The following CHD1 variants were observed in gnomAD, a reference collection of about 807,000 sequenced individuals.
CHD1 encodes ATP-dependent chromatin remodeler CHD1.
CHD1 carries 36 observed loss-of-function variants against 224.2 expected under a neutral mutation model. The ratio of observed to expected loss-of-function variants is 0.16; its 90% CI spans 0.12 to 0.21. The LOEUF is 0.21. Ranked by LOEUF, CHD1 falls within the 10% of genes least tolerant of loss-of-function variation. CHD1 has a pLI of 1.00. For synonymous variants in CHD1, 668 were observed against 658.3 expected (o/e 1.01, Z -0.23); for missense variants, 1,378 against 1,994.8 (o/e 0.69, Z 5.89).
At position 98,858,293 on chromosome 5, in the gene CHD1, T is replaced by G. The variant is rs1471136285; in HGVS notation, c.4674A>C (p.Lys1558Asn). ...RHLTQYHDHH[K>N]DRHQGDSYKK... ...TGTAAGAATCTCCCTGATGTCGGTC[T>G]TTATGATGATCATGGTACTGAGTTA... The change falls in exon 35 of 36, where the codon AAA (lysine) becomes AAC (asparagine). Residue 1558 changes from lysine (K) to asparagine (N), a missense_variant. By Grantham distance (94) the Lys-to-Asn change is moderately conservative. Coordinates refer to ENST00000614616, the MANE Select transcript of CHD1 (RefSeq NM_001270.4). 6.2e-7 allele frequency: 1 copy of G among 1,613,200 alleles called. No individual in the cohort carries two copies. Among genetic ancestry groups the G allele is most frequent in the Admixed American group, 1.7e-5 (1 of 60,004 alleles).
chr5:98,911,301 A>T (rs1254139568), intron 2 of CHD1, among the ~76,000 whole-genome samples: 1 of 151,486 alleles, frequency 6.6e-6, no homozygotes, highest in Admixed American at 6.6e-5. Flanking sequence ...TGCTCAGTAA[A>T]TAAAACAGGA....
At chr5:98,911,146 A>AAAATATATATATATATATATATATATAT (rs1491111295) in intron 2 of CHD1, among the ~76,000 whole-genome samples, 1 of 39,130 alleles carries the variant, frequency 2.6e-5, no homozygotes, top group African/African-American at 1.2e-4. Flanking sequence ...AAAAAAAAAA[A>AAAATATATATATATATATATATATATAT]ATATATATAT....
chr5:98,861,841 T>C (rs1748499401), intron 32 of CHD1, among the ~76,000 whole-genome samples: 1 of 151,802 alleles, frequency 6.6e-6, no homozygotes, highest in Admixed American at 6.6e-5. Context: ...CAGCCAATGA[T>C]AGGTCTTAAT....
intron 2 of CHD1, among the ~76,000 whole-genome samples, chr5:98,921,970 T>C (rs1561281756): frequency 6.6e-6 from 1 of 152,104 alleles, no homozygotes; most frequent in Non-Finnish European, 1.5e-5. Flanking sequence ...CTGGCCAACA[T>C]GGTGAAATCC....
chr5:98,917,299 C>CCAAAA lies in CHD1; in HGVS notation c.53+9034_53+9035insTTTTG, dbSNP rs775841258. The stretch of plus-strand genomic sequence containing the variant: ...GCCCATCCCTCCAAAAACAAAGAAA[C>CCAAAA]AAAAAAAAAAAACAACCTCTTAATT... On this transcript the variant is annotated intron_variant, in intron 2 of 35. Coordinates refer to ENST00000614616, the MANE Select transcript of CHD1 (RefSeq NM_001270.4). Among the ~76,000 whole-genome samples, 173 of 119,790 alleles carry CCAAAA rather than the reference C, an allele frequency of 1.4e-3. 10 individuals are homozygous for CCAAAA. Among genetic ancestry groups the CCAAAA allele is most frequent in the Admixed American group, 1.8e-3 (22 of 12,306 alleles). 78.6% of individuals were successfully genotyped at this position (119,790 alleles called of 152,430 possible).
chr5:98,879,495 T>A, intron 23 of CHD1, 57 bp downstream of exon 23: 1 of 1,486,150 alleles, frequency 6.7e-7, no homozygotes, highest in Non-Finnish European at 9.0e-7. Flanking sequence ...ACAAACAAAA[T>A]CAGCCCAGGT....
Position 98,869,894 on chromosome 5 carries a change from T to A in CHD1, c.3979-12A>T. 1 of 1,573,678 alleles carries A rather than the reference T, an allele frequency of 6.4e-7. No individual in the cohort carries two copies. Among genetic ancestry groups the A allele is most frequent in the Non-Finnish European group, 8.7e-7 (1 of 1,152,022 alleles). ...CTCTTTGAACTTCCCTAAAAATCAT[T>A]ATTTTAATTTTAACCAATTCTACAG... On this transcript the variant is annotated splice_polypyrimidine_tract_variant and intron_variant, in intron 29 of 35. Transcript: ENST00000614616.
chr5:98,879,852 A>G (rs1305713864), intron 22 of CHD1, 124 bp from the exon 23 acceptor site: 3 of 598,688 alleles, frequency 5.0e-6, no homozygotes, highest in Admixed American at 6.9e-5. Flanking sequence ...TAAACCAAAT[A>G]TAACTTCTAA....
At chr5:98,928,269 C>T (rs1753623610) in intron 1 of CHD1, among the ~76,000 whole-genome samples, 1 of 152,068 alleles carries the variant, frequency 6.6e-6, no homozygotes, top group South Asian at 2.1e-4. Flanking sequence ...CGCGGGTCTC[C>T]TCTCGCGGCC....
chr5:98,893,782 T>C (rs1751173188), intron 13 of CHD1, among the ~76,000 whole-genome samples, 176 bp from the exon 14 acceptor site: 1 of 152,132 alleles, frequency 6.6e-6, no homozygotes, highest in Non-Finnish European at 1.5e-5. Flanking sequence ...TCAGCACATA[T>C]TCCTTCTATG....
intron 34 of CHD1, chr5:98,858,593 C>A: frequency 3.9e-6 from 2 of 517,522 alleles, no homozygotes; most frequent in Non-Finnish European, 6.8e-6. Context: ...TGAAATGTCA[C>A]AAAAACTAAA....
At position 98,868,646 on chromosome 5, in the gene CHD1, A is replaced by C. The variant is rs1267347268; in HGVS notation, c.4108-11T>G. ...CTTGGATTCACTCAACTAAAGAAAAAGTGAAAAGAAAACAAAAACAAAACC... is the reference window on the plus strand; with the variant it reads ...CTTGGATTCACTCAACTAAAGAAAACGTGAAAAGAAAACAAAAACAAAACC... On this transcript the variant is annotated splice_polypyrimidine_tract_variant and intron_variant, in intron 30 of 35. Transcript: ENST00000614616. 1 of 1,535,392 alleles carries C rather than the reference A, an allele frequency of 6.5e-7. No individual in the cohort carries two copies. The highest frequency in any genetic ancestry group is 2.3e-5 in the East Asian group (1 of 42,866).
intron 2 of CHD1, among the ~76,000 whole-genome samples, chr5:98,922,780 G>A (rs1753189740): frequency 6.6e-6 from 1 of 152,200 alleles, no homozygotes; most frequent in South Asian, 2.1e-4. Context: ...CCTGAGGTCA[G>A]GAGTTCGAGA....
chr5:98,890,689 T>C lies in CHD1; in HGVS notation c.2181-1451A>G, dbSNP rs925739750. 2.0e-5 allele frequency among the ~76,000 whole-genome samples: 3 copies of C among 152,322 alleles called. No individual in the cohort carries two copies. In the East Asian group the frequency reaches 5.8e-4, roughly 29 times the overall value. Reference sequence around the variant, plus strand: ...ACAAAATTAGATAATCGCCATTGTGTACTACAAAATATACTCTTCTCATAA... The same window carrying C: ...ACAAAATTAGATAATCGCCATTGTGCACTACAAAATATACTCTTCTCATAA... On this transcript the variant is annotated intron_variant, in intron 15 of 35. Transcript: ENST00000614616.
intron 15 of CHD1, among the ~76,000 whole-genome samples, chr5:98,890,255 T>A (rs1411042500): frequency 6.6e-6 from 1 of 152,214 alleles, no homozygotes; most frequent in Admixed American, 6.5e-5. Flanking sequence ...AGGTCAGTTT[T>A]TGAAGGGACT....
rs370394279 is a variant in CHD1, at chr5:98,908,379, A to G, written c.54-3281T>C. 6.6e-5 allele frequency among the ~76,000 whole-genome samples: 10 copies of G among 152,320 alleles called. No individual in the cohort carries two copies. The South Asian group carries it at 1.9e-3, about 28-fold the overall frequency. ...AGCACTCCCAAAACTTCTGGAATAT[A>G]TACCTCTATCTTGGTTATGAGCAAA... On this transcript the variant is annotated intron_variant, in intron 2 of 35. Transcript: ENST00000614616.
chr5:98,904,846 T>A (rs570295279), intron 3 of CHD1, 51 bp downstream of exon 3: 6 of 1,516,100 alleles, frequency 4.0e-6, no homozygotes, highest in Non-Finnish European at 5.5e-6. Context: ...CTCTAAATTT[T>A]CCCAAAGTAA....
intron 2 of CHD1, among the ~76,000 whole-genome samples, chr5:98,921,519 A>C (rs1753093660): frequency 6.6e-6 from 1 of 152,164 alleles, no homozygotes. Flanking sequence ...TGATGCCAAC[A>C]CCGCTGGTCC....
chr5:98,923,570 A>G (rs1218628915), intron 2 of CHD1, among the ~76,000 whole-genome samples: 7 of 151,674 alleles, frequency 4.6e-5, no homozygotes, highest in African/African-American at 1.7e-4. Context: ...ACAGGCCACC[A>G]CACCCAGCTC....
Sources: gnomAD v4.1 joint callset for allele counts (sites outside exome capture counted in the v4.1 genomes callset) on GRCh38, gnomAD v4.1.1 for gene constraint, MANE v1.5 for transcripts, NCBI Gene and HGNC (gene_info 2026-07-23, HGNC 2026-07-21) for gene names.